The following GRP variants were observed in gnomAD, a reference collection of about 807,000 sequenced individuals.
GRP encodes gastrin-releasing peptide.
Under a neutral mutation model 12.7 loss-of-function variants are expected in GRP, and 11 were observed. That is an observed-to-expected ratio of 0.87 (90% confidence interval 0.55 to 1.44). The LOEUF is 1.44. Ranked by LOEUF, GRP falls within the 40% of genes most tolerant of loss-of-function variation. GRP has a pLI of 0.00. For missense variants in GRP, 212 were observed against 185.4 expected, an observed-to-expected ratio of 1.14 and a Z score of -0.83; for synonymous variants, 84 against 77.7, an observed-to-expected ratio of 1.08 and a Z score of -0.43.
At chr18:59,222,438 A>T (rs528943678) in intron 1 of GRP, among the ~76,000 whole-genome samples, 1 of 152,286 alleles carries the variant, frequency 6.6e-6, no homozygotes, top group South Asian at 2.1e-4. Flanking sequence ...TCCCTTTGAT[A>T]ACTGTGCAGA....
chr18:59,221,494 A>C (rs1235215149), intron 1 of GRP, among the ~76,000 whole-genome samples: 1 of 151,734 alleles, frequency 6.6e-6, no homozygotes, highest in African/African-American at 2.4e-5. Context: ...CGCCCCACAA[A>C]AGCCAACTAC....
chr18:59,228,572 TGTA>T (rs1295301048), intron 2 of GRP, among the ~76,000 whole-genome samples: 1 of 152,248 alleles, frequency 6.6e-6, no homozygotes, highest in Non-Finnish European at 1.5e-5. Context: ...AAAGGATGTG[TGTA>T]ATGTGCACTG....
chr18:59,224,663 C>T (rs751525855), intron 1 of GRP, among the ~76,000 whole-genome samples: 49 of 152,218 alleles, frequency 3.2e-4, no homozygotes, highest in Admixed American at 1.4e-3. Flanking sequence ...CCACTTCTGA[C>T]TCCAAGTTAT....
rs541928457 is a variant in GRP, at chr18:59,222,803, A to G, written c.139+2399A>G. On this transcript the variant is annotated intron_variant, in intron 1 of 2. Transcript: ENST00000256857. ...CAATGGAAAAAAGGTTAACAGCTTG[A>G]AAACTTAACAAATTTTTATCTGGCT... Among the ~76,000 whole-genome samples the G allele has an allele frequency of 2.6e-5, 4 of 152,364 alleles. No individual in the cohort carries two copies. In the East Asian group the frequency reaches 5.8e-4, roughly 22 times the overall value.
intron 2 of GRP, 123 bp downstream of exon 2, chr18:59,225,857 G>T (rs1295893147): frequency 2.6e-6 from 2 of 761,154 alleles, no homozygotes; most frequent in Non-Finnish European, 4.3e-6. Context: ...ACTACATTAG[G>T]CTAACACATG....
At chr18:59,227,582 C>G (rs974673260) in intron 2 of GRP, among the ~76,000 whole-genome samples, 1 of 152,278 alleles carries the variant, frequency 6.6e-6, no homozygotes, top group East Asian at 1.9e-4. Flanking sequence ...CACCACAAAA[C>G]CCTTGAAAAT....
At chr18:59,222,408 C>T (rs2069849402) in intron 1 of GRP, among the ~76,000 whole-genome samples, 1 of 152,178 alleles carries the variant, frequency 6.6e-6, no homozygotes, top group Admixed American at 6.5e-5. Context: ...CATATTTATT[C>T]TCAAATGCAC....
At chr18:59,220,425 A>T in intron 1 of GRP, 21 bp downstream of exon 1, 1 of 1,341,372 alleles carries the variant, frequency 7.5e-7, no homozygotes, top group South Asian at 1.8e-5. Context: ...TGGCCGCGGG[A>T]GCCGCGCGCT....
chr18:59,220,552 C>A, intron 1 of GRP, 148 bp downstream of exon 1: 4 of 621,652 alleles, frequency 6.4e-6, no homozygotes, highest in Non-Finnish European at 9.7e-6. Flanking sequence ...AACACCTTCC[C>A]CGTTCTCCTA....
chr18:59,227,028 T>TCTTTCTTTCTTTCTTTCTTTCTTC (rs2069945984), intron 2 of GRP, among the ~76,000 whole-genome samples: 1 of 145,030 alleles, frequency 6.9e-6, no homozygotes, highest in African/African-American at 2.6e-5. Context: ...TTTCTTTCTT[T>TCTTTCTTTCTTTCTTTCTTTCTTC]CTTTCTTTCT....
At chr18:59,225,776 G>A (rs768587571) in intron 2 of GRP, 42 bp downstream of exon 2, 83 of 1,595,186 alleles carry the variant, frequency 5.2e-5, no homozygotes, top group Non-Finnish European at 6.8e-5. Flanking sequence ...GAGGTATCTG[G>A]GGAGAGGTGG....
At chr18:59,229,236 A>G (rs1021296625) in intron 2 of GRP, among the ~76,000 whole-genome samples, 6 of 152,094 alleles carry the variant, frequency 3.9e-5, no homozygotes, top group African/African-American at 1.4e-4. Flanking sequence ...CCAACAATGG[A>G]CCCTGCCCAT....
In GRP at chr18:59,226,587, GA is replaced by G. The variant is rs1200207342; in HGVS notation, c.382+856del. 2.6e-5 allele frequency among the ~76,000 whole-genome samples: 4 copies of G among 152,158 alleles called. No homozygotes were observed. In the South Asian group the frequency reaches 6.2e-4, roughly 24 times the overall value. Reference sequence around the variant, plus strand: ...TTATTCTCTCCATTTTAGAGGTAAGGAAACTAGTCCCATAGCTTTTCACTGA... The same window carrying G: ...TTATTCTCTCCATTTTAGAGGTAAGGAACTAGTCCCATAGCTTTTCACTGA... On this transcript the variant is annotated intron_variant, in intron 2 of 2. Coordinates refer to ENST00000256857, the MANE Select transcript of GRP (RefSeq NM_002091.5).
In GRP at chr18:59,227,795, C is replaced by G. The variant is rs536387173; in HGVS notation, c.382+2061C>G. ...CAAATTCAACTCCTTCCTTAAGGAT[C>G]AAAAATTTTCCACCACATTCAGAAG... On this transcript the variant is annotated intron_variant, in intron 2 of 2. Coordinates refer to ENST00000256857, the MANE Select transcript of GRP (RefSeq NM_002091.5). Among the ~76,000 whole-genome samples the G allele has an allele frequency of 5.8e-4, 89 of 152,262 alleles. 1 individual carries two copies. In the South Asian group the frequency reaches 0.016, roughly 27 times the overall value.
intron 1 of GRP, among the ~76,000 whole-genome samples, chr18:59,223,702 A>G (rs1484138922): frequency 6.6e-6 from 1 of 152,218 alleles, no homozygotes; most frequent in East Asian, 1.9e-4. Context: ...CCTGCCTTCC[A>G]ACCATCATGA....
chr18:59,229,437 T>A, intron 2 of GRP, among the ~76,000 whole-genome samples: 1 of 152,172 alleles, frequency 6.6e-6, no homozygotes, highest in Admixed American at 6.5e-5. Flanking sequence ...GGTGGCATCT[T>A]CGGACAGGCA....
chr18:59,222,185 C>T (rs2144098302), intron 1 of GRP, among the ~76,000 whole-genome samples: 1 of 152,270 alleles, frequency 6.6e-6, no homozygotes, highest in Admixed American at 6.5e-5. Flanking sequence ...TTAGGTAACG[C>T]TTGCAGGCCC....
At chr18:59,228,233 T>G (rs866653572) in intron 2 of GRP, among the ~76,000 whole-genome samples, 41 of 152,174 alleles carry the variant, frequency 2.7e-4, no homozygotes, top group African/African-American at 9.2e-4. Flanking sequence ...TATGCTGTTA[T>G]GAAAATTGAA....
At chr18:59,224,506 C>T (rs186400425) in intron 1 of GRP, among the ~76,000 whole-genome samples, 1 of 152,270 alleles carries the variant, frequency 6.6e-6, no homozygotes, top group East Asian at 1.9e-4. Flanking sequence ...AGATCAAAAG[C>T]ACCATAGTTT....
Sources: allele counts gnomAD v4.1 joint callset (sites outside exome capture counted in the v4.1 genomes callset), GRCh38; gene constraint gnomAD v4.1.1; transcripts MANE v1.5; gene names NCBI Gene and HGNC (gene_info 2026-07-23, HGNC 2026-07-21).